The following RPIA variants were observed in gnomAD, a reference collection of about 807,000 sequenced individuals.
RPIA encodes the protein ribose 5-phosphate isomerase A.
Under a neutral mutation model 37.8 loss-of-function variants are expected in RPIA, and 29 were observed. The ratio of observed to expected loss-of-function variants is 0.77; its 90% CI spans 0.57 to 1.05. The LOEUF is 1.05. RPIA is among the 50% of genes least tolerant of loss of function. The pLI, the probability that RPIA is intolerant of heterozygous loss-of-function variation, is 0.00. For synonymous variants in RPIA, 167 were observed against 157.0 expected, an observed-to-expected ratio of 1.06 and a Z score of -0.48; for missense variants, 385 against 413.6, an observed-to-expected ratio of 0.93 and a Z score of 0.60.
At chr2:88,726,352 TGA>T in intron 3 of RPIA, among the ~76,000 whole-genome samples, 1 of 152,200 alleles carries the variant, frequency 6.6e-6, no homozygotes, top group South Asian at 2.1e-4. Context: ...CTTAAAACAT[TGA>T]GTTTTTTTGT....
At chr2:88,707,029 C>G (rs1162759372) in intron 3 of RPIA, among the ~76,000 whole-genome samples, 3 of 152,106 alleles carry the variant, frequency 2.0e-5, no homozygotes, top group Admixed American at 6.6e-5. Context: ...AAATGTATAC[C>G]TTGTGTTTCT....
In RPIA at chr2:88,740,871, T is replaced by C. The variant is rs566334908; in HGVS notation, c.838+2795T>C. On this transcript the variant is annotated intron_variant, in intron 8 of 8. Transcript: ENST00000283646. ...ATGCTTTCTCCTTATATTGCAGACA[T>C]TTTGAAAACGGGTCTTGAGTGGCTA... 5.3e-5 allele frequency among the ~76,000 whole-genome samples: 8 copies of C among 152,302 alleles called. 1 individual carries two copies. The South Asian group carries it at 1.7e-3, about 32-fold the overall frequency.
intron 1 of RPIA, among the ~76,000 whole-genome samples, chr2:88,697,379 G>A (rs566031260): frequency 7.9e-5 from 12 of 152,374 alleles, no homozygotes; most frequent in Admixed American, 6.5e-5. Flanking sequence ...CTTAATAAAT[G>A]GTAGCTGCCG....
intron 3 of RPIA, among the ~76,000 whole-genome samples, chr2:88,710,336 G>C (rs1302269678): frequency 6.6e-6 from 1 of 152,170 alleles, no homozygotes; most frequent in Non-Finnish European, 1.5e-5. Flanking sequence ...GTGAGCCACT[G>C]CGCCCAGCCA....
intron 3 of RPIA, among the ~76,000 whole-genome samples, chr2:88,722,353 A>G (rs1045623085): frequency 6.6e-5 from 10 of 152,352 alleles, no homozygotes; most frequent in African/African-American, 2.2e-4. Context: ...TAAAATATCT[A>G]TAATTTAACT....
chr2:88,716,832 A>G (rs1295537136), intron 3 of RPIA, among the ~76,000 whole-genome samples: 1 of 152,224 alleles, frequency 6.6e-6, no homozygotes, highest in South Asian at 2.1e-4. Flanking sequence ...ATTACTGACA[A>G]AAGGCATACA....
chr2:88,736,781 T>C, intron 7 of RPIA, 105 bp downstream of exon 7: 1 of 1,346,446 alleles, frequency 7.4e-7, no homozygotes, highest in Non-Finnish European at 1.0e-6. Context: ...CACCAGGCAA[T>C]TGGCTTTTAT....
chr2:88,723,317 G>A (rs1440160153), intron 3 of RPIA, among the ~76,000 whole-genome samples: 1 of 152,068 alleles, frequency 6.6e-6, no homozygotes, highest in East Asian at 1.9e-4. Flanking sequence ...GAAGCAGGAG[G>A]AAAAAAACAA....
At chr2:88,733,522 G>C (rs1049828775) in intron 4 of RPIA, among the ~76,000 whole-genome samples, 3 of 152,172 alleles carry the variant, frequency 2.0e-5, no homozygotes, top group Non-Finnish European at 4.4e-5. Context: ...CTGGAGCCCA[G>C]ACAGAAAAGG....
At chr2:88,706,817 C>T (rs894622097) in intron 3 of RPIA, among the ~76,000 whole-genome samples, 8 of 152,026 alleles carry the variant, frequency 5.3e-5, no homozygotes, top group African/African-American at 1.9e-4. Flanking sequence ...AATTGGACTC[C>T]AAGTATTATT....
At chr2:88,697,475 T>G (rs1167937567) in intron 1 of RPIA, among the ~76,000 whole-genome samples, 1 of 152,276 alleles carries the variant, frequency 6.6e-6, no homozygotes, top group Non-Finnish European at 1.5e-5. Flanking sequence ...TATTAGTTCC[T>G]GACTGTTAGT....
rs201342898 is a variant in RPIA, at chr2:88,721,427, AATC to A, written c.403-7848_403-7846del. 2.7e-3 allele frequency among the ~76,000 whole-genome samples: 395 copies of A among 148,440 alleles called. 2 individuals carry two copies. The highest frequency in any genetic ancestry group is 9.1e-3 in the African/African-American group (373 of 40,918). On this transcript the variant is annotated intron_variant, in intron 3 of 8. Transcript: ENST00000283646. Reference sequence around the variant, plus strand: ...ATACTTATAAATATATTACTAATATAATCATATTTAATATAATTAGTATAATAT... The same window carrying A: ...ATACTTATAAATATATTACTAATATAATATTTAATATAATTAGTATAATAT...
intron 8 of RPIA, among the ~76,000 whole-genome samples, chr2:88,746,191 T>C (rs1673435772): frequency 1.3e-5 from 2 of 152,208 alleles, no homozygotes; most frequent in African/African-American, 4.8e-5. Context: ...TTTCTTTAAG[T>C]TGGTTTTCAC....
rs7575604 is a variant in RPIA, at chr2:88,737,353, T to G, written c.739-624T>G. 1.7e-3 allele frequency among the ~76,000 whole-genome samples: 253 copies of G among 152,276 alleles called. 2 individuals carry two copies. Among genetic ancestry groups the G allele is most frequent in the African/African-American group, 6.0e-3 (249 of 41,558 alleles). ...ACCCTACCCTGATACATTTTTATTT[T>G]GATATATTTTGTCCCCACTGTTTCT... On this transcript the variant is annotated intron_variant, in intron 7 of 8. Coordinates refer to ENST00000283646, the MANE Select transcript of RPIA (RefSeq NM_144563.3).
At chr2:88,716,575 A>T (rs527685101) in intron 3 of RPIA, among the ~76,000 whole-genome samples, 40 of 152,338 alleles carry the variant, frequency 2.6e-4, no homozygotes, top group African/African-American at 9.6e-4. Flanking sequence ...GTGATAATTG[A>T]TAACAGTGTA....
intron 2 of RPIA, 82 bp downstream of exon 2, chr2:88,698,626 A>G (rs1038419377): frequency 2.3e-6 from 3 of 1,321,078 alleles, no homozygotes; most frequent in Admixed American, 1.7e-5. Context: ...AGTGGCACAC[A>G]GGTTTGGCAT....
intron 7 of RPIA, 82 bp from the exon 8 acceptor site, chr2:88,737,894 CT>C: frequency 2.0e-6 from 2 of 1,014,776 alleles, no homozygotes; most frequent in South Asian, 2.6e-5. Flanking sequence ...GCATACTTGT[CT>C]TTGGTTATCC....
Position 88,691,871 on chromosome 2 carries a change from C to A in RPIA, c.173C>A (p.Thr58Lys). The change falls in exon 1 of 9, where the codon ACA becomes AAA. Residue 58 changes from threonine (T) to lysine (K), a missense_variant. Coordinates refer to ENST00000283646, the MANE Select transcript of RPIA (RefSeq NM_144563.3). Reference protein sequence around the residue: ...QSGTRGGAGNTSTSCGDSNSI... With the variant: ...QSGTRGGAGNKSTSCGDSNSI... ...GGGACCCGTGGCGGTGCTGGCAACA[C>A]AAGCACCAGCTGCGGGGACTCCAAC... 6.3e-7 allele frequency: 1 copy of A among 1,595,282 alleles called. No individual in the cohort carries two copies. The highest frequency in any genetic ancestry group is 8.5e-7 in the Non-Finnish European group (1 of 1,172,184).
intron 3 of RPIA, among the ~76,000 whole-genome samples, chr2:88,704,640 A>G (rs1222479924): frequency 1.3e-5 from 2 of 152,126 alleles, no homozygotes; most frequent in Non-Finnish European, 2.9e-5. Flanking sequence ...TCTGTACCAT[A>G]TATTATATTG....
Sources: gnomAD v4.1 joint callset for allele counts (sites outside exome capture counted in the v4.1 genomes callset) on GRCh38, gnomAD v4.1.1 for gene constraint, MANE v1.5 for transcripts, NCBI Gene and HGNC (gene_info 2026-07-23, HGNC 2026-07-21) for gene names.